Variants in LRRC41 observed in about 807,000 individuals in gnomAD.
LRRC41 encodes the protein leucine-rich repeat-containing protein 41.
Under a neutral mutation model 72.1 loss-of-function variants are expected in LRRC41, and 17 were observed. The ratio of observed to expected loss-of-function variants is 0.24; its 90% CI spans 0.16 to 0.35. LRRC41 has a LOEUF of 0.35. Among genes scored for constraint, LRRC41 ranks in the 10% least tolerant of loss-of-function variants. LRRC41 has a pLI of 1.00. For synonymous variants in LRRC41, 427 were observed against 431.0 expected, an observed-to-expected ratio of 0.99 and a Z score of 0.11; for missense variants, 759 against 1,065.0, an observed-to-expected ratio of 0.71 and a Z score of 4.00.
At chr1:46,280,332 T>C in intron 6 of LRRC41, 42 bp from the exon 7 acceptor site, 1 of 1,612,482 alleles carries the variant, frequency 6.2e-7, no homozygotes, top group Non-Finnish European at 8.5e-7. Flanking sequence ...ACCTTAGCTT[T>C]CCTAGAGAAC....
At chr1:46,289,007 A>G (rs1414497755) in intron 3 of LRRC41, among the ~76,000 whole-genome samples, 1 of 152,222 alleles carries the variant, frequency 6.6e-6, no homozygotes, top group Non-Finnish European at 1.5e-5. Flanking sequence ...TGGTTATTAC[A>G]ATATCTGTGC....
chr1:46,277,822 G>C lies in LRRC41; in HGVS notation c.*1043C>G, dbSNP rs1320711460. On this transcript the variant is annotated 3_prime_UTR_variant, in exon 10 of 10. Transcript: ENST00000617190. ...CCCCACCTCCTCTTCCCCAGGCAGG[G>C]ACCATTGAGGAGAAGATCTTCCAGC... The C allele has an allele frequency of 6.2e-7, 1 of 1,606,834 alleles. No individual in the cohort carries two copies. Among genetic ancestry groups the C allele is most frequent in the Admixed American group, 1.7e-5 (1 of 59,984 alleles).
Position 46,285,743 on chromosome 1 carries a change from A to G in LRRC41, c.1114T>C (p.Ser372Pro). 6.2e-7 allele frequency: 1 copy of G among 1,604,064 alleles called. No individual in the cohort carries two copies. The highest frequency in any genetic ancestry group is 8.5e-7 in the Non-Finnish European group (1 of 1,174,940). Residue 372 changes from serine to proline, a missense_variant, in exon 4 of 10, where the codon TCC (serine) becomes CCC (proline). By Grantham distance (74) the Ser-to-Pro change is moderately conservative. Coordinates refer to ENST00000617190, the MANE Select transcript of LRRC41 (RefSeq NM_006369.5). This position sits in a 1 kb window ranked among gnomAD's most constrained non-coding sequence, Gnocchi z 5.3. ...AATSSASSST[S>P]SYKRAPASSA... ...CTAGCTGGTGCCCGTTTGTATGAGG[A>G]TGTAGAAGAAGAGGCAGAGGAGGTG...
intron 3 of LRRC41, among the ~76,000 whole-genome samples, chr1:46,287,227 G>A (rs779316975): frequency 6.6e-6 from 1 of 152,106 alleles, no homozygotes; most frequent in African/African-American, 2.4e-5. Flanking sequence ...ACCTGCCTCA[G>A]CCTCCCGAGT....
chr1:46,278,784 T>G lies in LRRC41; in HGVS notation c.*81A>C. 7.8e-7 allele frequency: 1 copy of G among 1,288,794 alleles called. No individual in the cohort carries two copies. Among genetic ancestry groups the G allele is most frequent in the Non-Finnish European group, 1.1e-6 (1 of 905,758 alleles). The allele number at this position is 1,288,794 out of a possible 1,614,324, so 79.8% of individuals were successfully genotyped here. The stretch of plus-strand genomic sequence containing the variant: ...GACAGAAAGAGAAAGATAGAACTGG[T>G]GGTTGGGGTTCTGGGCAGCCCATGC... On this transcript the variant is annotated 3_prime_UTR_variant, in exon 10 of 10. Coordinates refer to ENST00000617190, the MANE Select transcript of LRRC41 (RefSeq NM_006369.5).
In LRRC41 at chr1:46,281,291, C is replaced by A. The variant is rs1412755379; in HGVS notation, c.1590G>T (p.Leu530=). 2 of 1,614,080 alleles carry A rather than the reference C, an allele frequency of 1.2e-6. No homozygotes were observed. The highest frequency in any genetic ancestry group is 2.2e-5 in the East Asian group (1 of 44,890). ...GCTCCAGGATGGGCAGTGGTGAGAA[C>A]AGGTCACTGAGATGCAGGGCACGGA... The part of the protein sequence containing the change: ...CRLRALHLSD[L]FSPLPILELT... Residue 530 remains leucine (L), a synonymous_variant, in exon 5 of 10, where the codon CTG becomes CTT. Coordinates refer to ENST00000617190, the MANE Select transcript of LRRC41 (RefSeq NM_006369.5).
rs138238452 is a variant in LRRC41 at position 46,286,949 on chromosome 1, G to C, written c.358-450C>G. Among the ~76,000 whole-genome samples the C allele has an allele frequency of 1.2e-3, 178 of 152,228 alleles. 2 individuals carry two copies. The East Asian group carries it at 0.032, about 27-fold the overall frequency. On this transcript the variant is annotated intron_variant, in intron 3 of 9. Coordinates refer to ENST00000617190, the MANE Select transcript of LRRC41 (RefSeq NM_006369.5). The surrounding 1 kb of genome is among the most constrained non-coding windows in gnomAD (Gnocchi z 5.5). The stretch of plus-strand genomic sequence containing the variant: ...TTCTCGTGCCTCAGCCTCCAGAGAA[G>C]CTGGGATTACAGGCGCCCGCCACCA...
rs1318881996 is a variant in LRRC41 at position 46,277,484 on chromosome 1, T to C, written c.*1381A>G. 2 of 402,408 alleles carry C rather than the reference T, an allele frequency of 5.0e-6. No homozygotes were observed. The highest frequency in any genetic ancestry group is 4.1e-5 in the African/African-American group (2 of 49,044). The allele number at this position is 402,408 out of a possible 1,614,324, so 24.9% of individuals were successfully genotyped here. On this transcript the variant is annotated 3_prime_UTR_variant, in exon 10 of 10. Coordinates refer to ENST00000617190, the MANE Select transcript of LRRC41 (RefSeq NM_006369.5). Reference sequence around the variant, plus strand: ...GAATAGAATAGATACCTAAATGATATTTATTGAATGAGTTAGAGTTGGGCT... The same window carrying C: ...GAATAGAATAGATACCTAAATGATACTTATTGAATGAGTTAGAGTTGGGCT...
chr1:46,290,779 T>C (rs1036888130), intron 3 of LRRC41, among the ~76,000 whole-genome samples: 1 of 152,090 alleles, frequency 6.6e-6, no homozygotes, highest in Non-Finnish European at 1.5e-5. Flanking sequence ...GCTAATTTTT[T>C]GGTATTTTTT....
Position 46,302,371 on chromosome 1 carries a change from C to G in LRRC41, c.199+753G>C. 2 of 985,452 alleles carry G rather than the reference C, an allele frequency of 2.0e-6. No individual in the cohort carries two copies. The highest frequency in any genetic ancestry group is 2.4e-6 in the Non-Finnish European group (2 of 829,934). The allele number at this position is 985,452 out of a possible 1,614,324, so 61.0% of individuals were successfully genotyped here. A position where few individuals can be genotyped will look rare whatever the true frequency, so the allele number is the denominator to read the frequency against. ...GCCCCCCTCCACTCGCTCTCCGGTC[C>G]CTCCTCGCCGCTCGAGCCGATCCGA... On this transcript the variant is annotated intron_variant, in intron 1 of 9. Transcript: ENST00000617190. The surrounding 1 kb of genome is among the most constrained non-coding windows in gnomAD (Gnocchi z 4.7).
Position 46,302,179 on chromosome 1 carries a change from GC to G in LRRC41, c.199+944del, listed in dbSNP as rs1266075559. On this transcript the variant is annotated intron_variant, in intron 1 of 9. Transcript: ENST00000617190. This position sits in a 1 kb window ranked among gnomAD's most constrained non-coding sequence, Gnocchi z 4.7. ...GGTCCCGGCCGCCTTCAGGCCTGGGGCCCCCGTTCACTCCCATTCAGCCCAA... is the reference window on the plus strand; with the variant it reads ...GGTCCCGGCCGCCTTCAGGCCTGGGGCCCCGTTCACTCCCATTCAGCCCAA... 1.0e-6 allele frequency: 1 copy of G among 985,234 alleles called. No homozygotes were observed. The highest frequency in any genetic ancestry group is 1.2e-6 in the Non-Finnish European group (1 of 829,830). The allele number at this position is 985,234 out of a possible 1,614,324, so 61.0% of individuals were successfully genotyped here.
rs1660667180 is a variant in LRRC41, at chr1:46,277,998, C to T, written c.*867G>A. 1 of 1,614,170 alleles carries T rather than the reference C, an allele frequency of 6.2e-7. No individual in the cohort carries two copies. The highest frequency in any genetic ancestry group is 8.5e-7 in the Non-Finnish European group (1 of 1,180,024). On this transcript the variant is annotated 3_prime_UTR_variant, in exon 10 of 10. Transcript: ENST00000617190. The stretch of plus-strand genomic sequence containing the variant: ...CATGACAGGTGGGGAAGTGCCCTAA[C>T]CATTATCTCTAAGCTACCCACACAG...
In LRRC41 at chr1:46,290,916, GTTTTTTTTTT is replaced by G. The variant is rs71062750; in HGVS notation, c.358-4427_358-4418del. ...AGCCACCATGCCCGGCCTGTTTCTA[GTTTTTTTTTT>G]TTTTTTTTTTTTTTTTTTAAGACAT... On this transcript the variant is annotated intron_variant, in intron 3 of 9. Transcript: ENST00000617190. 1.5e-3 allele frequency among the ~76,000 whole-genome samples: 96 copies of G among 65,722 alleles called. No homozygotes were observed. The East Asian group carries it at 0.029, about 20-fold the overall frequency. 43.1% of individuals were successfully genotyped at this position (65,722 alleles called of 152,430 possible). A position where few individuals can be genotyped will look rare whatever the true frequency, so the allele number is the denominator to read the frequency against.
chr1:46,288,823 A>C (rs1276929938), intron 3 of LRRC41, among the ~76,000 whole-genome samples: 1 of 152,252 alleles, frequency 6.6e-6, no homozygotes, highest in Non-Finnish European at 1.5e-5. Context: ...AGCAGGAAAA[A>C]CAATACCTGG....
rs1169181366 is a variant in LRRC41, at chr1:46,279,784, G to A, written c.2021-170C>T. 6.6e-6 allele frequency among the ~76,000 whole-genome samples: 1 copy of A among 152,172 alleles called. No individual in the cohort carries two copies. The highest frequency in any genetic ancestry group is 1.5e-5 in the Non-Finnish European group (1 of 68,032). On this transcript the variant is annotated intron_variant, in intron 7 of 9. Coordinates refer to ENST00000617190, the MANE Select transcript of LRRC41 (RefSeq NM_006369.5). The surrounding 1 kb of genome is among the most constrained non-coding windows in gnomAD (Gnocchi z 4.5). Reference sequence around the variant, plus strand: ...GAACTAAATCAGAATCCAAACTAAAGACTGAACCTAAATGTTCCCTATAAG... The same window carrying A: ...GAACTAAATCAGAATCCAAACTAAAAACTGAACCTAAATGTTCCCTATAAG...
In LRRC41 at chr1:46,303,489, G is replaced by C; in HGVS notation, c.-167C>G. On this transcript the variant is annotated 5_prime_UTR_variant, in exon 1 of 10. In the 5' UTR this introduces an upstream ATG that the reference lacks. Transcript: ENST00000617190. Reference sequence around the variant, plus strand: ...AAGTCTCTTAGGAGCTACTATTTTAGATAAACTCCTAGATCAATTATACTT... The same window carrying C: ...AAGTCTCTTAGGAGCTACTATTTTACATAAACTCCTAGATCAATTATACTT... 1.3e-6 allele frequency: 1 copy of C among 762,228 alleles called. No individual in the cohort carries two copies. The highest frequency in any genetic ancestry group is 2.1e-6 in the Non-Finnish European group (1 of 487,254). 47.2% of individuals were successfully genotyped at this position (762,228 alleles called of 1,614,324 possible).
At position 46,302,218 on chromosome 1, in the gene LRRC41, G is replaced by C. The variant is rs1028172990; in HGVS notation, c.199+906C>G. On this transcript the variant is annotated intron_variant, in intron 1 of 9. Coordinates refer to ENST00000617190, the MANE Select transcript of LRRC41 (RefSeq NM_006369.5). This position sits in a 1 kb window ranked among gnomAD's most constrained non-coding sequence, Gnocchi z 4.7. ...CCATTCAGCCCAAGGCCTCTTGGCG[G>C]CGCCGCGCCCCCTGCCACGGCAGCC... The C allele has an allele frequency of 4.1e-6, 4 of 985,234 alleles. No individual in the cohort carries two copies. The African/African-American group carries it at 7.0e-5, about 17-fold the overall frequency. 61.0% of individuals were successfully genotyped at this position (985,234 alleles called of 1,614,324 possible).
intron 3 of LRRC41, among the ~76,000 whole-genome samples, chr1:46,288,024 TCTC>T (rs1660921753): frequency 6.6e-6 from 1 of 152,220 alleles, no homozygotes; most frequent in Non-Finnish European, 1.5e-5. Flanking sequence ...TGCAAGTGAT[TCTC>T]AGCCTTTGGT....
At chr1:46,289,906 A>G (rs1478626034) in intron 3 of LRRC41, among the ~76,000 whole-genome samples, 1 of 152,246 alleles carries the variant, frequency 6.6e-6, no homozygotes, top group Non-Finnish European at 1.5e-5. Context: ...GAAATGAGGC[A>G]TGATCAATGA....
Sources: allele counts gnomAD v4.1 joint callset (sites outside exome capture counted in the v4.1 genomes callset), GRCh38; gene constraint gnomAD v4.1.1; non-coding constraint Gnocchi (gnomAD v3.1); transcripts MANE v1.5; gene names NCBI Gene and HGNC (gene_info 2026-07-23, HGNC 2026-07-21).